RBMS3: variants seen among roughly 807,000 people sequenced by gnomAD.
The protein encoded by RBMS3 is RNA binding motif single stranded interacting protein 3, also known as RNA-binding motif, single-stranded-interacting protein 3.
A neutral mutation model predicts 66.8 loss-of-function variants in RBMS3; 27 were observed. The observed-to-expected ratio is 0.40, with a 90% CI of 0.30 to 0.56. The LOEUF is 0.56. Ranked by LOEUF, RBMS3 falls within the 20% of genes least tolerant of loss-of-function variation. RBMS3 has a pLI of 0.40. For missense variants in RBMS3, 513 were observed against 549.5 expected (o/e 0.93, Z 0.66); for synonymous variants, 188 against 183.0 (o/e 1.03, Z -0.22).
chr3:29,958,255 CT>C (rs1210302353), intron 12 of RBMS3, among the ~76,000 whole-genome samples: 2 of 152,042 alleles, frequency 1.3e-5, no homozygotes, highest in Non-Finnish European at 2.9e-5. Flanking sequence ...ATTGAAAATT[CT>C]TGCAGATTAG....
intron 1 of RBMS3, among the ~76,000 whole-genome samples, chr3:29,312,810 G>A (rs1034237604): frequency 6.6e-6 from 1 of 151,382 alleles, no homozygotes; most frequent in African/African-American, 2.4e-5. Flanking sequence ...TTGTAGAACT[G>A]CGCTTCCCTG....
chr3:29,504,846 G>A (rs967521088), intron 3 of RBMS3, among the ~76,000 whole-genome samples: 1 of 152,040 alleles, frequency 6.6e-6, no homozygotes, highest in Admixed American at 6.6e-5. Flanking sequence ...GACTAGTCAT[G>A]GTGAGCATGT....
At chr3:29,368,800 G>A (rs774485021) in intron 1 of RBMS3, among the ~76,000 whole-genome samples, 3 of 152,038 alleles carry the variant, frequency 2.0e-5, no homozygotes, top group African/African-American at 2.4e-5. Context: ...AATACCATTC[G>A]ACCCAGCAAT....
chr3:29,421,707 A>ACTACTATCAGTAG (rs2040743554), intron 1 of RBMS3, among the ~76,000 whole-genome samples: 1 of 152,296 alleles, frequency 6.6e-6, no homozygotes, highest in East Asian at 1.9e-4. Context: ...GAGCATTCTA[A>ACTACTATCAGTAG]CTACTATCAG....
intron 6 of RBMS3, among the ~76,000 whole-genome samples, chr3:29,855,488 T>TA (rs2059049881): frequency 1.3e-5 from 2 of 152,132 alleles, no homozygotes; most frequent in African/African-American, 4.8e-5. Context: ...TATTTTTAGG[T>TA]AAAAAAATGA....
intron 3 of RBMS3, among the ~76,000 whole-genome samples, chr3:29,551,741 G>C (rs73828696): frequency 0.014 from 2,167 of 152,158 alleles, 44 homozygotes; most frequent in African/African-American, 0.05. Flanking sequence ...AGTGTGACGA[G>C]GTATCCAAAT....
At chr3:29,332,267 G>A (rs1469992028) in intron 1 of RBMS3, among the ~76,000 whole-genome samples, 1 of 152,008 alleles carries the variant, frequency 6.6e-6, no homozygotes, top group Non-Finnish European at 1.5e-5. Context: ...TGGCAAGTTA[G>A]GAAGTGATGC....
At chr3:30,000,205 A>G (rs1439188033) in intron 14 of RBMS3, among the ~76,000 whole-genome samples, 1 of 152,200 alleles carries the variant, frequency 6.6e-6, no homozygotes, top group Non-Finnish European at 1.5e-5. Context: ...CAAGAAAAAA[A>G]CAACCCCATC....
intron 1 of RBMS3, among the ~76,000 whole-genome samples, chr3:29,308,768 C>T (rs201381758): frequency 4.3e-4 from 37 of 86,762 alleles, no homozygotes; most frequent in Admixed American, 1.5e-3. Context: ...AAAAAAAAAA[C>T]GGGAAAGTAA....
At chr3:29,611,695 G>A (rs2048498204) in intron 4 of RBMS3, among the ~76,000 whole-genome samples, 1 of 151,864 alleles carries the variant, frequency 6.6e-6, no homozygotes, top group Admixed American at 6.6e-5. Context: ...TGTAGTCAAG[G>A]TTTCAGGGTA....
chr3:29,394,273 T>C (rs2039444100), intron 1 of RBMS3, among the ~76,000 whole-genome samples: 1 of 152,216 alleles, frequency 6.6e-6, no homozygotes, highest in South Asian at 2.1e-4. Context: ...AATATGACTC[T>C]GTTCTGCCCC....
At chr3:29,729,810 G>T (rs7637751) in intron 4 of RBMS3, among the ~76,000 whole-genome samples, 15,241 of 142,958 alleles carry the variant, frequency 0.11, 870 homozygotes, top group Middle Eastern at 0.22. Flanking sequence ...AGCCCTCATA[G>T]CCAAGACAAT....
chr3:29,578,385 C>G (rs1224353542), intron 3 of RBMS3, among the ~76,000 whole-genome samples: 2 of 152,084 alleles, frequency 1.3e-5, no homozygotes, highest in Non-Finnish European at 2.9e-5. Context: ...ATTTTTAAAA[C>G]TCTAATACTT....
intron 12 of RBMS3, among the ~76,000 whole-genome samples, chr3:29,974,238 T>C (rs1466314788): frequency 6.6e-6 from 1 of 151,886 alleles, no homozygotes; most frequent in East Asian, 1.9e-4. Context: ...ACCTTCTTTC[T>C]CACTGCCAAG....
intron 1 of RBMS3, among the ~76,000 whole-genome samples, chr3:29,374,444 G>A (rs920025904): frequency 1.3e-5 from 2 of 152,132 alleles, no homozygotes; most frequent in African/African-American, 2.4e-5. Context: ...ACTTAGTGAT[G>A]GCTTGAAAGC....
intron 1 of RBMS3, among the ~76,000 whole-genome samples, chr3:29,403,365 T>C (rs2039889195): frequency 6.6e-6 from 1 of 152,120 alleles, no homozygotes; most frequent in East Asian, 1.9e-4. Context: ...AAGCACCTTA[T>C]GTCACTTTAA....
chr3:29,377,307 C>T (rs903140563), intron 1 of RBMS3, among the ~76,000 whole-genome samples: 5 of 151,998 alleles, frequency 3.3e-5, no homozygotes, highest in Non-Finnish European at 5.9e-5. Context: ...TGAACATGAG[C>T]GTGAACAGAG....
intron 3 of RBMS3, among the ~76,000 whole-genome samples, chr3:29,582,714 T>A (rs3773097): frequency 0.058 from 8,903 of 152,280 alleles, 539 homozygotes; most frequent in East Asian, 0.32. Context: ...TATTTGTCAT[T>A]AAGGAAAACA....
At chr3:29,422,396 C>CA (rs386396246) in intron 1 of RBMS3, among the ~76,000 whole-genome samples, 19,818 of 130,708 alleles carry the variant, frequency 0.15, 1,743 homozygotes, top group East Asian at 0.29. Context: ...ATCACCAGCC[C>CA]AAAAAAAAAA....
Sources: allele counts gnomAD v4.1 joint callset (sites outside exome capture counted in the v4.1 genomes callset), GRCh38; gene constraint gnomAD v4.1.1; transcripts MANE v1.5; gene names NCBI Gene and HGNC (gene_info 2026-07-23, HGNC 2026-07-21).